SLC30A6: variants seen among roughly 807,000 people sequenced by gnomAD.
The protein encoded by SLC30A6 is solute carrier family 30 member 6.
Under a neutral mutation model 63.0 loss-of-function variants are expected in SLC30A6, and 55 were observed. That is an observed-to-expected ratio of 0.87 (90% CI 0.70 to 1.09). The LOEUF (loss-of-function observed/expected upper bound fraction) is 1.09, where lower values mean the gene tolerates loss of function less well. Ranked by LOEUF, SLC30A6 falls within the 50% of genes least tolerant of loss-of-function variation. The pLI is 0.00. For synonymous variants in SLC30A6, 224 were observed against 186.1 expected (o/e 1.20, Z -1.66); for missense variants, 587 against 549.2 (o/e 1.07, Z -0.69).
chr2:32,207,032 T>C, intron 12 of SLC30A6, 99 bp downstream of exon 12: 1 of 966,566 alleles, frequency 1.0e-6, no homozygotes, highest in Admixed American at 2.0e-5. Context: ...AGAATTTTAT[T>C]TGAGGGAAGT....
intron 13 of SLC30A6, among the ~76,000 whole-genome samples, chr2:32,213,641 C>G (rs1044065322): frequency 6.6e-6 from 1 of 152,118 alleles, no homozygotes; most frequent in Non-Finnish European, 1.5e-5. Context: ...ATTTCAAACA[C>G]TGCCACCACT....
chr2:32,185,372 T>G (rs1362392958), intron 5 of SLC30A6, among the ~76,000 whole-genome samples: 1 of 152,018 alleles, frequency 6.6e-6, no homozygotes, highest in East Asian at 1.9e-4. Flanking sequence ...AAAAAAAAAT[T>G]TACTGAAAGT....
chr2:32,219,775 C>G lies in SLC30A6; in HGVS notation c.886-438C>G, dbSNP rs539998696. ...TATTGGTATTATTGCTTATTCTTACCAAGTATGCCATACATTTTCATTGCT... is the reference window on the plus strand; with the variant it reads ...TATTGGTATTATTGCTTATTCTTACGAAGTATGCCATACATTTTCATTGCT... On this transcript the variant is annotated intron_variant, in intron 13 of 13. Coordinates refer to ENST00000282587, the MANE Select transcript of SLC30A6 (RefSeq NM_017964.5). 2.5e-3 allele frequency among the ~76,000 whole-genome samples: 384 copies of G among 152,254 alleles called. 6 individuals are homozygous for G. The South Asian group carries it at 0.036, about 14-fold the overall frequency.
chr2:32,208,165 C>G (rs1005764074), intron 12 of SLC30A6, among the ~76,000 whole-genome samples: 1 of 150,638 alleles, frequency 6.6e-6, no homozygotes, highest in African/African-American at 2.5e-5. Flanking sequence ...GAGTCTTGCT[C>G]TATCACCCAG....
chr2:32,183,861 A>C (rs373704493), intron 4 of SLC30A6, among the ~76,000 whole-genome samples: 1 of 152,186 alleles, frequency 6.6e-6, no homozygotes, highest in Non-Finnish European at 1.5e-5. Context: ...TTGTCAAGGT[A>C]TTATTAATAT....
chr2:32,221,074 G>A lies in SLC30A6; in HGVS notation c.*361G>A, dbSNP rs369864214. On this transcript the variant is annotated 3_prime_UTR_variant, in exon 14 of 14. Transcript: ENST00000282587. Reference sequence around the variant, plus strand: ...AGATACGATATTTCTTTTTTTTTCCGAGACGGAGTCTTGCTCTGCCACTGT... The same window carrying A: ...AGATACGATATTTCTTTTTTTTTCCAAGACGGAGTCTTGCTCTGCCACTGT... 6 of 202,644 alleles carry A rather than the reference G, an allele frequency of 3.0e-5. No individual in the cohort carries two copies. Among genetic ancestry groups the A allele is most frequent in the East Asian group, 1.3e-4 (1 of 7,970 alleles). The allele number at this position is 202,644 out of a possible 1,614,324, so 12.6% of individuals were successfully genotyped here.
At chr2:32,218,171 A>G (rs1685867385) in intron 13 of SLC30A6, among the ~76,000 whole-genome samples, 1 of 152,192 alleles carries the variant, frequency 6.6e-6, no homozygotes, top group South Asian at 2.1e-4. Flanking sequence ...CCGTAATCCC[A>G]GCACTTTGGG....
rs535401978 is a variant in SLC30A6, at chr2:32,180,090, C to G, written c.219-4183C>G. ...AGAGCTATGATCTTAGCACTGTACTCCAGCCTCAGTGACAGAGAGATACCC... is the reference window on the plus strand; with the variant it reads ...AGAGCTATGATCTTAGCACTGTACTGCAGCCTCAGTGACAGAGAGATACCC... On this transcript the variant is annotated intron_variant, in intron 4 of 13. Transcript: ENST00000282587. Among the ~76,000 whole-genome samples, 13 of 152,114 alleles carry G rather than the reference C, an allele frequency of 8.5e-5. No homozygotes were observed. In the South Asian group the frequency reaches 2.7e-3, roughly 32 times the overall value.
At chr2:32,218,280 CAA>C (rs980766633) in intron 13 of SLC30A6, among the ~76,000 whole-genome samples, 1 of 151,936 alleles carries the variant, frequency 6.6e-6, no homozygotes, top group African/African-American at 2.4e-5. Flanking sequence ...AAAACAAAAC[CAA>C]AAAAACCCAT....
At chr2:32,203,234 A>T in intron 10 of SLC30A6, 2 of 1,022,694 alleles carry the variant, frequency 2.0e-6, no homozygotes, top group Non-Finnish European at 3.1e-6. Context: ...TTCTGGACGC[A>T]CAGGTAGAGC....
At chr2:32,194,788 A>T (rs185935237) in intron 8 of SLC30A6, among the ~76,000 whole-genome samples, 35 of 152,364 alleles carry the variant, frequency 2.3e-4, no homozygotes, top group African/African-American at 7.9e-4. Context: ...TGAGTTAAAG[A>T]AGTACTGCAT....
intron 5 of SLC30A6, among the ~76,000 whole-genome samples, chr2:32,189,281 CTTTTT>C (rs61221362): frequency 8.7e-6 from 1 of 114,872 alleles, no homozygotes; most frequent in South Asian, 2.8e-4. Flanking sequence ...TTGATACTGT[CTTTTT>C]TTTTTTTTTT....
intron 13 of SLC30A6, among the ~76,000 whole-genome samples, chr2:32,218,246 C>A (rs1685874150): frequency 6.6e-6 from 1 of 152,042 alleles, no homozygotes; most frequent in African/African-American, 2.4e-5. Flanking sequence ...CACGGTGAGA[C>A]CTCATCTCTA....
chr2:32,165,939 G>T, intron 1 of SLC30A6, 36 bp downstream of exon 1: 1 of 1,614,154 alleles, frequency 6.2e-7, no homozygotes, highest in Non-Finnish European at 8.5e-7. Context: ...TTCGGCTGTA[G>T]CTGATTCGGT....
At chr2:32,177,168 C>T (rs775360814) in intron 4 of SLC30A6, among the ~76,000 whole-genome samples, 1 of 152,190 alleles carries the variant, frequency 6.6e-6, no homozygotes, top group Non-Finnish European at 1.5e-5. Flanking sequence ...CTTCTCCAGC[C>T]CTAGGCAACC....
At chr2:32,212,458 C>T (rs149167056) in intron 13 of SLC30A6, among the ~76,000 whole-genome samples, 84 of 151,548 alleles carry the variant, frequency 5.5e-4, no homozygotes, top group African/African-American at 2.0e-3. Flanking sequence ...TTTTCCTGAA[C>T]ATTAAAATTA....
chr2:32,191,514 A>C lies in SLC30A6; in HGVS notation c.285-822A>C, dbSNP rs1683315479. Among the ~76,000 whole-genome samples, 3 of 152,200 alleles carry C rather than the reference A, an allele frequency of 2.0e-5. No individual in the cohort carries two copies. The South Asian group carries it at 6.2e-4, about 31-fold the overall frequency. On this transcript the variant is annotated intron_variant, in intron 5 of 13. Coordinates refer to ENST00000282587, the MANE Select transcript of SLC30A6 (RefSeq NM_017964.5). ...GACCATGTGTTGCAGGAAAAACTAA[A>C]ACAACAGTTCCTGGCCTCTGGCTTA...
At chr2:32,171,575 T>TA (rs1681216208) in intron 2 of SLC30A6, among the ~76,000 whole-genome samples, 1 of 152,186 alleles carries the variant, frequency 6.6e-6, no homozygotes, top group East Asian at 1.9e-4. Flanking sequence ...AAGCTTCTGT[T>TA]AAAGTTTTGA....
intron 9 of SLC30A6, 129 bp from the exon 10 acceptor site, chr2:32,197,578 A>G: frequency 1.4e-6 from 2 of 1,411,802 alleles, no homozygotes; most frequent in Non-Finnish European, 1.9e-6. Context: ...GGCTTTGTTC[A>G]CAAATCCTCT....
Sources: allele counts gnomAD v4.1 joint callset (sites outside exome capture counted in the v4.1 genomes callset), GRCh38; gene constraint gnomAD v4.1.1; transcripts MANE v1.5; gene names NCBI Gene and HGNC (gene_info 2026-07-23, HGNC 2026-07-21).